FANCI: variants seen among roughly 807,000 people sequenced by gnomAD.
FANCI encodes the protein Fanconi anemia group I protein.
In FANCI, 156 loss-of-function variants were observed where a neutral mutation model predicts 176.1. The ratio of observed to expected loss-of-function variants is 0.89; its 90% CI spans 0.78 to 1.01. The LOEUF (loss-of-function observed/expected upper bound fraction) is 1.01, where lower values mean the gene tolerates loss of function less well. Ranked by LOEUF, FANCI falls within the 50% of genes least tolerant of loss-of-function variation. FANCI has a pLI of 0.00. For synonymous variants in FANCI, 613 were observed against 541.7 expected (o/e 1.13, Z -1.83); for missense variants, 1,678 against 1,534.1 (o/e 1.09, Z -1.57).
intron 34 of FANCI, among the ~76,000 whole-genome samples, chr15:89,309,902 TCA>T (rs1166710267): frequency 6.6e-6 from 1 of 152,224 alleles, no homozygotes; most frequent in Non-Finnish European, 1.5e-5. Context: ...GATTCAAAAG[TCA>T]CATTGTCTAA....
At position 89,281,202 on chromosome 15, in the gene FANCI, T is replaced by G. The variant is rs1406182369; in HGVS notation, c.1414T>G (p.Leu472Val). The stretch of plus-strand genomic sequence containing the variant: ...TTCAAATATCGTCATGTATGCACCC[T>G]TAGTTCTTCAAAGTTGTTCTTCTAA... ...LLSNIVMYAP[L>V]VLQSCSSKVT... The change falls in exon 15 of 38, where the codon TTA becomes GTA. Residue 472 changes from leucine to valine, a missense_variant. This residue lies in a region of FANCI where 1,204 missense variants were observed against 1,077.4 expected (regional missense o/e 1.12). Transcript: ENST00000310775. The G allele has an allele frequency of 6.2e-7, 1 of 1,613,888 alleles. No homozygotes were observed. The highest frequency in any genetic ancestry group is 1.7e-5 in the Admixed American group (1 of 60,032).
intron 18 of FANCI, among the ~76,000 whole-genome samples, chr15:89,289,041 C>T (rs59242159): frequency 0.032 from 4,791 of 151,414 alleles, 213 homozygotes; most frequent in East Asian, 0.19. Flanking sequence ...TTGTTTTTGA[C>T]GTTTAGCTAC....
chr15:89,267,457 T>C (rs1360744527), intron 9 of FANCI, among the ~76,000 whole-genome samples: 1 of 152,118 alleles, frequency 6.6e-6, no homozygotes, highest in Non-Finnish European at 1.5e-5. Context: ...GGGACTTTAT[T>C]GTTTTTGACA....
rs1373531696 is a variant in FANCI at position 89,292,739 on chromosome 15, G to T, written c.2044G>T (p.Val682Phe). 6.2e-7 allele frequency: 1 copy of T among 1,613,898 alleles called. No individual in the cohort carries two copies. Among genetic ancestry groups the T allele is most frequent in the Admixed American group, 1.7e-5 (1 of 60,018 alleles). ...QHCLAWYKNT[V>F]IPLQQGEEEE... ...TTGTTTGGCCTGGTATAAGAATACA[G>T]TCATACCCTTACAGCAGGGAGAGGA... is the stretch of plus-strand genomic sequence containing the variant. The change falls in exon 21 of 38, where the codon GTC becomes TTC. Residue 682 changes from valine to phenylalanine, a missense_variant. Coordinates refer to ENST00000310775, the MANE Select transcript of FANCI (RefSeq NM_001113378.2).
chr15:89,262,505 T>C (rs2052756580), intron 6 of FANCI, among the ~76,000 whole-genome samples: 1 of 152,152 alleles, frequency 6.6e-6, no homozygotes, highest in African/African-American at 2.4e-5. Context: ...AGATGAAAAA[T>C]TCTAACCATA....
intron 33 of FANCI, 28 bp downstream of exon 33, chr15:89,307,557 T>A: frequency 1.2e-6 from 2 of 1,614,150 alleles, no homozygotes; most frequent in Non-Finnish European, 1.7e-6. Flanking sequence ...TTCCTAGGAA[T>A]GGGGGAAGCA....
intron 16 of FANCI, 112 bp downstream of exon 16, chr15:89,281,947 A>G: frequency 1.0e-6 from 1 of 980,108 alleles, no homozygotes; most frequent in Non-Finnish European, 1.6e-6. Flanking sequence ...GAGAATTCCT[A>G]GCCCCGCAGA....
chr15:89,256,547 A>C (rs1466358991), intron 2 of FANCI, among the ~76,000 whole-genome samples: 4 of 149,764 alleles, frequency 2.7e-5, no homozygotes, highest in Non-Finnish European at 5.9e-5. Context: ...AATGTTATTG[A>C]CTTCACTTTC....
chr15:89,282,806 G>T, intron 16 of FANCI: 1 of 353,998 alleles, frequency 2.8e-6, no homozygotes, highest in Non-Finnish European at 5.5e-6. Context: ...TTCAAACATG[G>T]CAAAATCAGC....
rs768656345 is a variant in FANCI at position 89,316,564 on chromosome 15, G to T, written c.*105G>T. The T allele has an allele frequency of 7.9e-7, 1 of 1,266,858 alleles. No homozygotes were observed. The highest frequency in any genetic ancestry group is 1.3e-5 in the South Asian group (1 of 79,334). 78.5% of individuals were successfully genotyped at this position (1,266,858 alleles called of 1,614,324 possible). ...AGTCCACACCGATGTTGGCATCTTG[G>T]TTCTGAACCCACTGAATTCAACTGC... On this transcript the variant is annotated 3_prime_UTR_variant, in exon 38 of 38. Coordinates refer to ENST00000310775, the MANE Select transcript of FANCI (RefSeq NM_001113378.2).
chr15:89,286,977 C>CTTTTTTTTTCTTTT (rs2053839776), intron 18 of FANCI, among the ~76,000 whole-genome samples: 1 of 86,054 alleles, frequency 1.2e-5, no homozygotes, highest in Non-Finnish European at 2.1e-5. Context: ...TCACCTTGCA[C>CTTTTTTTTTCTTTT]TTTTTTTTTT....
intron 13 of FANCI, among the ~76,000 whole-genome samples, chr15:89,278,243 T>C (rs1045298791): frequency 2.0e-5 from 3 of 152,210 alleles, no homozygotes; most frequent in Non-Finnish European, 4.4e-5. Flanking sequence ...AGAATGGGTC[T>C]TTTTAACAGC....
intron 35 of FANCI, among the ~76,000 whole-genome samples, chr15:89,313,920 C>A (rs748361265): frequency 4.6e-5 from 7 of 150,770 alleles, no homozygotes; most frequent in Admixed American, 1.3e-4. Flanking sequence ...CACACACACA[C>A]ACACACGTAG....
intron 2 of FANCI, among the ~76,000 whole-genome samples, chr15:89,254,305 C>G (rs1383744074): frequency 6.6e-6 from 1 of 152,198 alleles, no homozygotes; most frequent in Non-Finnish European, 1.5e-5. Context: ...AACCAGGGCT[C>G]TTCAGAGAAA....
At chr15:89,301,305 G>C (rs764764398) in intron 26 of FANCI, 21 bp from the exon 27 acceptor site, 1 of 1,515,934 alleles carries the variant, frequency 6.6e-7, no homozygotes, top group South Asian at 1.1e-5. Flanking sequence ...ATTGCTTGCT[G>C]TGTGTGCCTT....
At chr15:89,253,791 G>GT (rs1279640567) in intron 2 of FANCI, among the ~76,000 whole-genome samples, 1 of 139,198 alleles carries the variant, frequency 7.2e-6, no homozygotes, top group Non-Finnish European at 1.6e-5. Flanking sequence ...ACTTGTGGGG[G>GT]GGGGGGGGAA....
intron 19 of FANCI, chr15:89,290,598 AAG>A: frequency 3.6e-6 from 1 of 276,584 alleles, no homozygotes; most frequent in Admixed American, 4.6e-5. Flanking sequence ...TGAAAGAAAA[AAG>A]AAATCCAAAA....
Position 89,260,717 on chromosome 15 carries a change from C to G in FANCI, c.162C>G (p.Ser54=). 1 of 1,613,554 alleles carries G rather than the reference C, an allele frequency of 6.2e-7. No individual in the cohort carries two copies. The highest frequency in any genetic ancestry group is 1.7e-5 in the Admixed American group (1 of 59,988). ...GALLRAIFKG[S]PCSEEAGTLR... ...CCCCCTGTTTAAAACAATAAGGTTC[C>G]CCCTGCTCTGAGGAAGCTGGAACAC... The change falls in exon 4 of 38, where the codon TCC becomes TCG. Residue 54 remains serine (S), a synonymous_variant. Coordinates refer to ENST00000310775, the MANE Select transcript of FANCI (RefSeq NM_001113378.2).
At position 89,294,899 on chromosome 15, in the gene FANCI, C is replaced by G; in HGVS notation, c.2457-16C>G. On this transcript the variant is annotated splice_polypyrimidine_tract_variant and intron_variant, in intron 23 of 37. Coordinates refer to ENST00000310775, the MANE Select transcript of FANCI (RefSeq NM_001113378.2). ...GGAATCTTCCTTTTTCTTTCTCTCT[C>G]TCTGTCTCTCTCTAGGGATAGTATC... 1 of 1,548,606 alleles carries G rather than the reference C, an allele frequency of 6.5e-7. No homozygotes were observed. Among genetic ancestry groups the G allele is most frequent in the Non-Finnish European group, 8.7e-7 (1 of 1,146,154 alleles).
Sources: allele counts gnomAD v4.1 joint callset (sites outside exome capture counted in the v4.1 genomes callset), GRCh38; gene constraint gnomAD v4.1.1; regional missense constraint gnomAD v4.1.1; transcripts MANE v1.5; gene names NCBI Gene and HGNC (gene_info 2026-07-23, HGNC 2026-07-21).